The following MCCC1 variants were observed in gnomAD, a reference collection of about 807,000 sequenced individuals.
MCCC1 encodes methylcrotonoyl-CoA carboxylase subunit alpha, mitochondrial.
Under a neutral mutation model 83.8 loss-of-function variants are expected in MCCC1, and 64 were observed. The observed-to-expected ratio is 0.76, with a 90% CI of 0.62 to 0.94. The LOEUF (loss-of-function observed/expected upper bound fraction) is 0.94. MCCC1 is among the 40% of genes least tolerant of loss of function. MCCC1 has a pLI of 0.00. For missense variants in MCCC1, 807 were observed against 904.7 expected, an observed-to-expected ratio of 0.89 and a Z score of 1.39; for synonymous variants, 322 against 315.4, an observed-to-expected ratio of 1.02 and a Z score of -0.22.
intron 1 of MCCC1, among the ~76,000 whole-genome samples, chr3:183,105,295 G>C (rs1303024475): frequency 6.6e-6 from 1 of 152,106 alleles, no homozygotes; most frequent in Non-Finnish European, 1.5e-5. Flanking sequence ...AGTGAGCTGA[G>C]GTCACGCCAT....
intron 7 of MCCC1, among the ~76,000 whole-genome samples, chr3:183,060,433 T>C (rs1715732229): frequency 6.6e-6 from 1 of 152,192 alleles, no homozygotes; most frequent in Non-Finnish European, 1.5e-5. Flanking sequence ...TACAGTATCT[T>C]CTTATTGCTA....
chr3:183,057,216 G>T, intron 8 of MCCC1, 95 bp downstream of exon 8: 1 of 1,003,298 alleles, frequency 1.0e-6, no homozygotes, highest in Non-Finnish European at 1.5e-6. Flanking sequence ...GAGTTTGAGG[G>T]GTGAGAGACA....
chr3:183,020,929 G>T (rs1004391790), intron 16 of MCCC1, among the ~76,000 whole-genome samples: 2 of 151,514 alleles, frequency 1.3e-5, no homozygotes, highest in Admixed American at 1.3e-4. Context: ...GCATGGTGGC[G>T]GGCGCCTGCA....
At position 183,108,929 on chromosome 3, in the gene MCCC1, A is replaced by T. The variant is rs957146665; in HGVS notation, c.-102+6545T>A. ...AAGGACTTTGATATGCTGGGTTTTTAAAAAATTTTTCTTTTAGGTTCGGGG... is the reference window on the plus strand; with the variant it reads ...AAGGACTTTGATATGCTGGGTTTTTTAAAAATTTTTCTTTTAGGTTCGGGG... On this transcript the variant is annotated intron_variant, in intron 1 of 17. Coordinates refer to the MCCC1 transcript ENST00000492597. Among the ~76,000 whole-genome samples the T allele has an allele frequency of 9.2e-5, 14 of 152,278 alleles. No homozygotes were observed. The East Asian group carries it at 9.6e-4, about 10-fold the overall frequency.
intron 16 of MCCC1, among the ~76,000 whole-genome samples, chr3:183,020,989 G>C (rs566074605): frequency 6.6e-6 from 1 of 152,278 alleles, no homozygotes; most frequent in African/African-American, 2.4e-5. Context: ...GAACCCGGGA[G>C]GCAGAGCTTG....
At chr3:183,052,804 T>A (rs6801522) in intron 8 of MCCC1, among the ~76,000 whole-genome samples, 2 of 128,488 alleles carry the variant, frequency 1.6e-5, no homozygotes, top group East Asian at 2.2e-4. Flanking sequence ...AGTGAGACTT[T>A]GTCTCAAAAA....
chr3:183,015,760 A>G (rs933227505), intron 18 of MCCC1, among the ~76,000 whole-genome samples, 194 bp from the exon 19 acceptor site: 6 of 152,164 alleles, frequency 3.9e-5, no homozygotes, highest in African/African-American at 1.4e-4. Context: ...GGAGAACAGT[A>G]ACAAGTTGAG....
At chr3:183,031,082 A>G (rs1713029033) in intron 14 of MCCC1, among the ~76,000 whole-genome samples, 1 of 152,234 alleles carries the variant, frequency 6.6e-6, no homozygotes, top group Admixed American at 6.5e-5. Context: ...TGGCACCTGC[A>G]GTATTAGGTC....
upstream of MCCC1, among the ~76,000 whole-genome samples, chr3:183,101,824 G>A (rs1014910451): frequency 6.6e-6 from 1 of 152,196 alleles, no homozygotes; most frequent in African/African-American, 2.4e-5. Flanking sequence ...AAGATCTGCA[G>A]CTTCACTCCT....
At chr3:183,029,864 T>C (rs1712905959) in intron 14 of MCCC1, among the ~76,000 whole-genome samples, 1 of 152,186 alleles carries the variant, frequency 6.6e-6, no homozygotes, top group Non-Finnish European at 1.5e-5. Flanking sequence ...GGGGTCTTCC[T>C]GCTTCTCATC....
Position 183,041,429 on chromosome 3 carries a change from T to G in MCCC1, c.1267+138A>C, listed in dbSNP as rs746968202. On this transcript the variant is annotated intron_variant, in intron 11 of 18. Coordinates refer to ENST00000265594, the MANE Select transcript of MCCC1 (RefSeq NM_020166.5). ...AATTCCAGAGGCAAAAAGTAATGGT[T>G]ACTGAGAAATCACTTAAATTCTTTA... 7.0e-5 allele frequency: 64 copies of G among 920,040 alleles called. 1 individual carries two copies. The highest frequency in any genetic ancestry group is 6.3e-4 in the Middle Eastern group (2 of 3,182). The allele number at this position is 920,040 out of a possible 1,614,324, so 57.0% of individuals were successfully genotyped here.
At chr3:183,104,329 A>C (rs971028813), upstream of MCCC1, among the ~76,000 whole-genome samples, 4 of 151,996 alleles carry the variant, frequency 2.6e-5, no homozygotes, top group Admixed American at 6.5e-5. Flanking sequence ...ATGTTGGCCA[A>C]GCTGTCTCGA....
rs534972357 is a variant in MCCC1, at chr3:183,065,272, T to C, written c.761+5727A>G. Among the ~76,000 whole-genome samples, 3 of 152,266 alleles carry C rather than the reference T, an allele frequency of 2.0e-5. No homozygotes were observed. In the East Asian group the frequency reaches 5.8e-4, roughly 29 times the overall value. On this transcript the variant is annotated intron_variant, in intron 7 of 18. Transcript: ENST00000265594. ...CTTGTATGTCCTTGGGAGCTTGACC[T>C]TGTAACCATGTGGCCTAGCTTTGTC...
Position 183,039,092 on chromosome 3 carries a change from C to A in MCCC1, c.1311G>T (p.Leu437=). The part of the protein sequence containing the change: ...SVHYDPMIAK[L]VVWAADRQAA... ...CCTGGCGATCTGCTGCCCACACGACCAGCTTCGCAATCATGGGGTCATAAT... is the reference window on the plus strand; with the variant it reads ...CCTGGCGATCTGCTGCCCACACGACAAGCTTCGCAATCATGGGGTCATAAT... The change falls in exon 12 of 19, where the codon CTG becomes CTT. Residue 437 remains leucine, a synonymous_variant. Transcript: ENST00000265594. The A allele has an allele frequency of 6.2e-7, 1 of 1,614,228 alleles. No individual in the cohort carries two copies. The highest frequency in any genetic ancestry group is 8.5e-7 in the Non-Finnish European group (1 of 1,180,040).
At chr3:183,102,762 T>G (rs1007864644), upstream of MCCC1, among the ~76,000 whole-genome samples, 241 of 39,992 alleles carry the variant, frequency 6.0e-3, no homozygotes, top group African/African-American at 0.011. Flanking sequence ...GAGAAAGTTT[T>G]TTTTTTTTTT....
intron 1 of MCCC1, among the ~76,000 whole-genome samples, chr3:183,096,343 A>AAAAT (rs1302578816): frequency 9.9e-5 from 15 of 151,748 alleles, no homozygotes; most frequent in Non-Finnish European, 1.8e-4. Context: ...CTCAAAAAAA[A>AAAAT]AAATAAATAA....
intron 8 of MCCC1, among the ~76,000 whole-genome samples, chr3:183,055,263 T>C (rs1267303847): frequency 6.7e-6 from 1 of 148,924 alleles, no homozygotes; most frequent in Non-Finnish European, 1.5e-5. Flanking sequence ...AAAAAAAAAA[T>C]TAGCCGGGTG....
At chr3:183,065,241 T>C (rs1348267688) in intron 7 of MCCC1, among the ~76,000 whole-genome samples, 1 of 151,964 alleles carries the variant, frequency 6.6e-6, no homozygotes, top group Non-Finnish European at 1.5e-5. Flanking sequence ...AGGTTTCCCC[T>C]CTTGTCTTGT....
chr3:183,102,913 A>C (rs1489941000), upstream of MCCC1, among the ~76,000 whole-genome samples: 3 of 151,372 alleles, frequency 2.0e-5, no homozygotes, highest in Admixed American at 2.0e-4. Flanking sequence ...CAGCCTCCCG[A>C]ATAGCTAGGA....
Sources: allele counts gnomAD v4.1 joint callset (sites outside exome capture counted in the v4.1 genomes callset), GRCh38; gene constraint gnomAD v4.1.1; transcripts MANE v1.5; gene names NCBI Gene and HGNC (gene_info 2026-07-23, HGNC 2026-07-21).